TRPC1: variants seen among roughly 807,000 people sequenced by gnomAD.
TRPC1 encodes transient receptor potential cation channel subfamily C member 1.
Under a neutral mutation model 88.2 loss-of-function variants are expected in TRPC1, and 42 were observed. The ratio of observed to expected loss-of-function variants is 0.48; its 90% confidence interval spans 0.37 to 0.62. TRPC1 has a LOEUF of 0.62. Ranked by LOEUF, TRPC1 falls within the 20% of genes least tolerant of loss-of-function variation. The pLI, the probability that TRPC1 is intolerant of heterozygous loss-of-function variation, is 0.00. For synonymous variants in TRPC1, 288 were observed against 331.8 expected, an observed-to-expected ratio of 0.87 and a Z score of 1.43; for missense variants, 699 against 957.3, an observed-to-expected ratio of 0.73 and a Z score of 3.56.
At chr3:142,802,074 G>A in intron 9 of TRPC1, 95 bp from the exon 10 acceptor site, 1 of 820,952 alleles carries the variant, frequency 1.2e-6, no homozygotes, top group Non-Finnish European at 1.8e-6. Flanking sequence ...TGTGGATTAT[G>A]TGTTTGTCTT....
intron 1 of TRPC1, among the ~76,000 whole-genome samples, chr3:142,726,777 A>T (rs866658247): frequency 6.6e-6 from 1 of 152,230 alleles, no homozygotes; most frequent in African/African-American, 2.4e-5. Context: ...TTCCTGAAGT[A>T]GCTATGACTT....
intron 2 of TRPC1, among the ~76,000 whole-genome samples, chr3:142,742,842 A>T (rs13326037): frequency 6.6e-6 from 1 of 152,126 alleles, no homozygotes; most frequent in Admixed American, 6.5e-5. Context: ...TCGGATCTTC[A>T]CAGTGAGCTA....
At chr3:142,781,961 G>A (rs902866404) in intron 6 of TRPC1, among the ~76,000 whole-genome samples, 1 of 152,106 alleles carries the variant, frequency 6.6e-6, no homozygotes, top group African/African-American at 2.4e-5. Flanking sequence ...TTAAAAATTT[G>A]AGCCTCACAA....
chr3:142,800,012 A>T (rs1187759002), intron 9 of TRPC1, among the ~76,000 whole-genome samples: 2 of 152,166 alleles, frequency 1.3e-5, no homozygotes, highest in African/African-American at 2.4e-5. Flanking sequence ...TACAGTGTCC[A>T]GACTTTCCTC....
Position 142,745,971 on chromosome 3 carries a change from G to T in TRPC1, c.430-2287G>T, listed in dbSNP as rs537312299. The stretch of plus-strand genomic sequence containing the variant: ...GGGGTTTCACCATGTTGGCCAGTCT[G>T]GTCTGGAACTCTTGACCTAAGGTGA... On this transcript the variant is annotated intron_variant, in intron 3 of 12. Coordinates refer to ENST00000476941, the MANE Select transcript of TRPC1 (RefSeq NM_001251845.2). 3.3e-5 allele frequency among the ~76,000 whole-genome samples: 5 copies of T among 152,122 alleles called. No homozygotes were observed. The South Asian group carries it at 1.0e-3, about 32-fold the overall frequency.
At chr3:142,757,279 G>C (rs920749062) in intron 4 of TRPC1, among the ~76,000 whole-genome samples, 1 of 151,494 alleles carries the variant, frequency 6.6e-6, no homozygotes, top group Non-Finnish European at 1.5e-5. Context: ...TCATATGGTA[G>C]TTCTTTTTTT....
intron 1 of TRPC1, among the ~76,000 whole-genome samples, chr3:142,728,344 T>C (rs1405296663): frequency 6.6e-6 from 1 of 151,802 alleles, no homozygotes; most frequent in Non-Finnish European, 1.5e-5. Flanking sequence ...TCTTTTTTTT[T>C]TTTTTTGAGA....
intron 3 of TRPC1, among the ~76,000 whole-genome samples, chr3:142,745,805 T>C (rs1363699330): frequency 6.6e-6 from 1 of 151,878 alleles, no homozygotes; most frequent in Admixed American, 6.6e-5. Flanking sequence ...TTGTCCAGGC[T>C]GCAGTGCAAT....
intron 4 of TRPC1, among the ~76,000 whole-genome samples, chr3:142,761,794 A>G (rs927438121): frequency 3.9e-5 from 6 of 152,104 alleles, no homozygotes; most frequent in African/African-American, 9.7e-5. Flanking sequence ...TCATGGCTCA[A>G]TCATGGTAGG....
chr3:142,793,321 A>G (rs980429293), intron 9 of TRPC1, among the ~76,000 whole-genome samples: 2 of 152,086 alleles, frequency 1.3e-5, no homozygotes, highest in African/African-American at 4.8e-5. Context: ...ATTTTAGGTT[A>G]TAAGTATAAA....
rs141391048 is a variant in TRPC1, at chr3:142,724,486, T to TGGGGTC, written c.-57_-52dup. The TGGGGTC allele has an allele frequency of 5.1e-5, 71 of 1,383,966 alleles. No homozygotes were observed. The highest frequency in any genetic ancestry group is 2.7e-4 in the African/African-American group (17 of 63,246). The allele number at this position is 1,383,966 out of a possible 1,614,324, so 85.7% of individuals were successfully genotyped here. A position where few individuals can be genotyped will look rare whatever the true frequency, so the allele number is the denominator to read the frequency against. ...CCTTTTTCCAGCCCTGGGGCGTGGC[T>TGGGGTC]GGGGTCGGGGTCGGGGTCGGGGCCG... On this transcript the variant is annotated 5_prime_UTR_variant, in exon 1 of 13. Coordinates refer to ENST00000476941, the MANE Select transcript of TRPC1 (RefSeq NM_001251845.2). This position sits in a 1 kb window ranked among gnomAD's most constrained non-coding sequence, Gnocchi z 5.6.
chr3:142,761,953 CTCTT>C lies in TRPC1; in HGVS notation c.632+13498_632+13501del, dbSNP rs375472747. Reference sequence around the variant, plus strand: ...ATTTCTTATTTTTTTATTTGGATCTCTCTTTCTTAGTCTAGCTAAGGTTTGTTGA... The same window carrying C: ...ATTTCTTATTTTTTTATTTGGATCTCTCTTAGTCTAGCTAAGGTTTGTTGA... On this transcript the variant is annotated intron_variant, in intron 4 of 12. Coordinates refer to ENST00000476941, the MANE Select transcript of TRPC1 (RefSeq NM_001251845.2). Among the ~76,000 whole-genome samples, 232 of 152,018 alleles carry C rather than the reference CTCTT, an allele frequency of 1.5e-3. 3 individuals are homozygous for C. Among genetic ancestry groups the C allele is most frequent in the African/African-American group, 5.2e-3 (214 of 41,478 alleles).
intron 4 of TRPC1, among the ~76,000 whole-genome samples, chr3:142,766,555 C>G (rs573422838): frequency 6.6e-6 from 1 of 152,154 alleles, no homozygotes; most frequent in South Asian, 2.1e-4. Context: ...CATGTACCAC[C>G]ATGCCTGGCT....
intron 4 of TRPC1, among the ~76,000 whole-genome samples, chr3:142,774,464 C>A (rs1577985213): frequency 6.6e-6 from 1 of 152,298 alleles, no homozygotes; most frequent in East Asian, 1.9e-4. Flanking sequence ...GCCAGTAGAG[C>A]TATAGGCTTT....
chr3:142,733,170 A>AT (rs1403902838), intron 1 of TRPC1, among the ~76,000 whole-genome samples: 1 of 151,774 alleles, frequency 6.6e-6, no homozygotes, highest in African/African-American at 2.4e-5. Flanking sequence ...ATTTTTAGGG[A>AT]TTTTCTTTCT....
At position 142,776,294 on chromosome 3, in the gene TRPC1, G is replaced by A. The variant is rs1935765822; in HGVS notation, c.633-1338G>A. The stretch of plus-strand genomic sequence containing the variant: ...AGGTGATGGGAGGACATGGATGAGG[G>A]AGTATCATGTTTCCAAATTGCTTAC... On this transcript the variant is annotated intron_variant, in intron 4 of 12. Coordinates refer to ENST00000476941, the MANE Select transcript of TRPC1 (RefSeq NM_001251845.2). The surrounding 1 kb of genome is among the most constrained non-coding windows in gnomAD (Gnocchi z 4.1). Among the ~76,000 whole-genome samples, 2 of 152,048 alleles carry A rather than the reference G, an allele frequency of 1.3e-5. No homozygotes were observed. The highest frequency in any genetic ancestry group is 4.8e-5 in the African/African-American group (2 of 41,402).
Position 142,727,659 on chromosome 3 carries a change from A to G in TRPC1, c.172+2928A>G, listed in dbSNP as rs1396240035. Among the ~76,000 whole-genome samples the G allele has an allele frequency of 2.0e-5, 3 of 152,192 alleles. No homozygotes were observed. The East Asian group carries it at 5.8e-4, about 29-fold the overall frequency. ...TTAATTGAAAGTTACTGTGCCAGCA[A>G]TATATAAAGTGAAGTCTAGGACCCC... On this transcript the variant is annotated intron_variant, in intron 1 of 12. Coordinates refer to ENST00000476941, the MANE Select transcript of TRPC1 (RefSeq NM_001251845.2).
At chr3:142,775,873 G>A (rs1935751988) in intron 4 of TRPC1, among the ~76,000 whole-genome samples, 1 of 152,136 alleles carries the variant, frequency 6.6e-6, no homozygotes, top group Non-Finnish European at 1.5e-5. Context: ...GTAATACCCA[G>A]TATTAATGAA....
chr3:142,748,194 C>A (rs1234670267), intron 3 of TRPC1, 64 bp from the exon 4 acceptor site: 3 of 1,338,630 alleles, frequency 2.2e-6, no homozygotes, highest in African/African-American at 1.5e-5. Flanking sequence ...TTTCATTCTT[C>A]AGATAAATAT....
Sources: gnomAD v4.1 joint callset for allele counts (sites outside exome capture counted in the v4.1 genomes callset) on GRCh38, gnomAD v4.1.1 for gene constraint, Gnocchi (gnomAD v3.1) non-coding constraint, MANE v1.5 for transcripts, NCBI Gene and HGNC (gene_info 2026-07-23, HGNC 2026-07-21) for gene names.